The following TMPRSS15 variants were observed in gnomAD, a reference collection of about 807,000 sequenced individuals.
TMPRSS15 encodes the protein transmembrane serine protease 15.
In TMPRSS15, 128 loss-of-function variants were observed where a neutral mutation model predicts 125.3. That is an observed-to-expected ratio of 1.02 (90% CI 0.89 to 1.18). TMPRSS15 has a LOEUF of 1.18. TMPRSS15 is among the 50% of genes most tolerant of loss of function. TMPRSS15 has a pLI of 0.00. For synonymous variants in TMPRSS15, 446 were observed against 423.2 expected (o/e 1.05, Z -0.66); for missense variants, 1,283 against 1,212.7 (o/e 1.06, Z -0.86).
chr21:18,415,610 A>G (rs1431093577), intron 1 of TMPRSS15, among the ~76,000 whole-genome samples: 1 of 152,074 alleles, frequency 6.6e-6, no homozygotes, highest in Non-Finnish European at 1.5e-5. Context: ...AAGAAATTAT[A>G]CTTCCTTACC....
intron 19 of TMPRSS15, among the ~76,000 whole-genome samples, chr21:18,296,358 A>G (rs952143319): frequency 1.3e-5 from 2 of 152,166 alleles, no homozygotes; most frequent in East Asian, 1.9e-4. Context: ...AATTAACCAA[A>G]TAAATAAATG....
chr21:18,303,656 T>C (rs1248721392), intron 18 of TMPRSS15, among the ~76,000 whole-genome samples: 1 of 152,162 alleles, frequency 6.6e-6, no homozygotes, highest in East Asian at 1.9e-4. Context: ...ATAAAGGACA[T>C]TGTCTTGGGT....
chr21:18,397,721 A>T (rs1227708399), intron 3 of TMPRSS15, among the ~76,000 whole-genome samples, 158 bp downstream of exon 3: 2 of 152,202 alleles, frequency 1.3e-5, no homozygotes, highest in Non-Finnish European at 2.9e-5. Flanking sequence ...ATTCGCTACT[A>T]AAATGAAAGT....
chr21:18,404,197 T>TG (rs1307430971), upstream of TMPRSS15, among the ~76,000 whole-genome samples: 1 of 152,192 alleles, frequency 6.6e-6, no homozygotes, highest in African/African-American at 2.4e-5. Flanking sequence ...CATGTATTCC[T>TG]TATGGAAACA....
intron 1 of TMPRSS15, among the ~76,000 whole-genome samples, chr21:18,428,416 C>G (rs1229893451): frequency 6.6e-6 from 1 of 152,212 alleles, no homozygotes; most frequent in Non-Finnish European, 1.5e-5. Flanking sequence ...ATGTTAATCA[C>G]CAAGACAATG....
rs573319756 is a variant in TMPRSS15, at chr21:18,377,518, A to G, written c.532+1765T>C. On this transcript the variant is annotated intron_variant, in intron 5 of 24. Coordinates refer to ENST00000284885, the MANE Select transcript of TMPRSS15 (RefSeq NM_002772.3). ...TATTATCTCTCTTTCAATTCTCATG[A>G]TCATCCCCTAAGAAATATATTTTAA... Among the ~76,000 whole-genome samples, 22 of 152,118 alleles carry G rather than the reference A, an allele frequency of 1.4e-4. 1 individual carries two copies. The highest frequency in any genetic ancestry group is 1.4e-3 in the Admixed American group (22 of 15,266).
upstream of TMPRSS15, among the ~76,000 whole-genome samples, chr21:18,405,723 TCA>T (rs2076149310): frequency 5.9e-5 from 9 of 152,160 alleles, no homozygotes; most frequent in Admixed American, 5.9e-4. Context: ...GATCTTCATC[TCA>T]CACCGTGAAG....
chr21:18,476,200 C>T (rs900366156), intron 1 of TMPRSS15, among the ~76,000 whole-genome samples: 1 of 152,232 alleles, frequency 6.6e-6, no homozygotes. Context: ...CTCTATTAAA[C>T]AGCTGACTTA....
intron 6 of TMPRSS15, among the ~76,000 whole-genome samples, chr21:18,367,221 A>C (rs1032184811): frequency 3.9e-5 from 6 of 152,176 alleles, no homozygotes; most frequent in Non-Finnish European, 8.8e-5. Flanking sequence ...TAAATTCTGA[A>C]CAATCCGGCA....
intron 22 of TMPRSS15, among the ~76,000 whole-genome samples, chr21:18,279,432 TCTC>T (rs1232003610): frequency 1.4e-5 from 2 of 146,698 alleles, no homozygotes; most frequent in East Asian, 4.2e-4. Flanking sequence ...TTCACGCCAT[TCTC>T]CTGCCTCAGC....
In TMPRSS15 at chr21:18,281,168, G is replaced by T; in HGVS notation, c.2540C>A (p.Ser847Ter). The T allele has an allele frequency of 6.2e-7, 1 of 1,614,054 alleles. No individual in the cohort carries two copies. Residue 847 changes from serine (S) to a stop codon, truncating the protein, a stop_gained, in exon 22 of 25, where the codon TCA becomes TAA. Transcript: ENST00000284885. LOFTEE classifies it high-confidence loss of function. ...WTAILGLHMKSNLTSPQTVPR... is the reference protein window; with the variant it reads ...WTAILGLHMK Reference sequence around the variant, plus strand: ...GACTGTTTGAGGAGAGGTCAGATTTGATTTCATATGCAGGCCTAGGATTGC... The same window carrying T: ...GACTGTTTGAGGAGAGGTCAGATTTTATTTCATATGCAGGCCTAGGATTGC...
intron 1 of TMPRSS15, among the ~76,000 whole-genome samples, chr21:18,413,477 G>A (rs2076172611): frequency 6.6e-6 from 1 of 150,806 alleles, no homozygotes; most frequent in Non-Finnish European, 1.5e-5. Context: ...GAGTGCAGTG[G>A]CTTGGTCTCG....
At chr21:18,351,020 TTGATATTCTAGGGATATCATTCTCTAA>T (rs2075563322) in intron 10 of TMPRSS15, among the ~76,000 whole-genome samples, 1 of 152,096 alleles carries the variant, frequency 6.6e-6, no homozygotes, top group African/African-American at 2.4e-5. Context: ...GAACCATATT[TTGATATTCTAGGGATATCATTCTCTAA>T]AGAAGTAGGA....
At chr21:18,314,431 A>T (rs1455618634) in intron 17 of TMPRSS15, among the ~76,000 whole-genome samples, 1 of 151,988 alleles carries the variant, frequency 6.6e-6, no homozygotes, top group Non-Finnish European at 1.5e-5. Flanking sequence ...GGCACCCACC[A>T]CCACGCCTGG....
intron 1 of TMPRSS15, among the ~76,000 whole-genome samples, chr21:18,433,844 GTAAT>G (rs576413685): frequency 1.3e-5 from 2 of 152,122 alleles, no homozygotes; most frequent in African/African-American, 4.8e-5. Flanking sequence ...CAGATAAACT[GTAAT>G]TAACATTTTT....
chr21:18,433,017 G>T (rs1569067828), intron 1 of TMPRSS15, among the ~76,000 whole-genome samples: 2 of 152,042 alleles, frequency 1.3e-5, no homozygotes, highest in Admixed American at 6.6e-5. Flanking sequence ...TTGTATCATG[G>T]CAAAAAATTG....
At chr21:18,340,927 G>A in intron 13 of TMPRSS15, among the ~76,000 whole-genome samples, 1 of 152,168 alleles carries the variant, frequency 6.6e-6, no homozygotes, top group East Asian at 1.9e-4. Flanking sequence ...GTGGATTTAT[G>A]TGTAACATGT....
intron 1 of TMPRSS15, among the ~76,000 whole-genome samples, chr21:18,483,411 T>C (rs745366831): frequency 9.2e-5 from 14 of 151,862 alleles, no homozygotes; most frequent in Non-Finnish European, 1.6e-4. Flanking sequence ...CCTTTGGTTC[T>C]AACATTAGAG....
intron 1 of TMPRSS15, among the ~76,000 whole-genome samples, chr21:18,415,556 G>GT (rs1057407478): frequency 3.3e-5 from 5 of 151,742 alleles, no homozygotes; most frequent in African/African-American, 7.3e-5. Flanking sequence ...ATCTATTTTT[G>GT]TTTTTTTGAA....
Sources: gnomAD v4.1 joint callset for allele counts (sites outside exome capture counted in the v4.1 genomes callset) on GRCh38, gnomAD v4.1.1 for gene constraint, MANE v1.5 for transcripts, NCBI Gene and HGNC (gene_info 2026-07-23, HGNC 2026-07-21) for gene names.